KCNK10: variants seen among roughly 807,000 people sequenced by gnomAD.
The protein encoded by KCNK10 is potassium two pore domain channel subfamily K member 10.
KCNK10 carries 25 observed loss-of-function variants against 47.7 expected under a neutral mutation model. The observed-to-expected ratio is 0.52, with a 90% CI of 0.38 to 0.73. KCNK10 has a LOEUF of 0.73. KCNK10 is among the 30% of genes least tolerant of loss of function. KCNK10 has a pLI of 0.00. For synonymous variants in KCNK10, 303 were observed against 285.6 expected, an observed-to-expected ratio of 1.06 and a Z score of -0.61; for missense variants, 563 against 714.5, an observed-to-expected ratio of 0.79 and a Z score of 2.42.
intron 1 of KCNK10, among the ~76,000 whole-genome samples, chr14:88,265,714 C>A (rs1887233707): frequency 6.6e-6 from 1 of 152,168 alleles, no homozygotes; most frequent in Non-Finnish European, 1.5e-5. Context: ...GGGGGAGTGA[C>A]CCCGTGGGAG....
intron 1 of KCNK10, among the ~76,000 whole-genome samples, chr14:88,314,245 T>C (rs1888384598): frequency 6.6e-6 from 1 of 151,870 alleles, no homozygotes; most frequent in Admixed American, 6.6e-5. Context: ...CCTTCATGAT[T>C]AGGATTAGTG....
chr14:88,217,106 G>A (rs1013663977), intron 4 of KCNK10, among the ~76,000 whole-genome samples: 3 of 152,198 alleles, frequency 2.0e-5, no homozygotes, highest in Admixed American at 6.5e-5. Context: ...GCAGTGAGGC[G>A]AGATCATGCT....
intron 1 of KCNK10, among the ~76,000 whole-genome samples, chr14:88,283,110 G>A (rs1887685589): frequency 6.6e-6 from 1 of 152,146 alleles, no homozygotes; most frequent in Non-Finnish European, 1.5e-5. Flanking sequence ...GTCTACTAAA[G>A]AAGAGAGTGA....
chr14:88,286,125 G>A (rs1484498381), intron 1 of KCNK10, among the ~76,000 whole-genome samples: 2 of 152,078 alleles, frequency 1.3e-5, no homozygotes, highest in Admixed American at 1.3e-4. Context: ...CCAAGAGCCA[G>A]AATCAACCAC....
intron 2 of KCNK10, among the ~76,000 whole-genome samples, chr14:88,255,595 G>C (rs1040007736): frequency 6.6e-6 from 1 of 151,870 alleles, no homozygotes; most frequent in African/African-American, 2.4e-5. Context: ...CCCACAGACA[G>C]ACAGTGTCCA....
intron 2 of KCNK10, among the ~76,000 whole-genome samples, chr14:88,242,369 CT>C (rs1380348815): frequency 2.0e-5 from 3 of 152,040 alleles, no homozygotes; most frequent in African/African-American, 7.2e-5. Context: ...GTATATTTTT[CT>C]TTTTTTAAAT....
intron 1 of KCNK10, among the ~76,000 whole-genome samples, chr14:88,308,070 A>G (rs1376932267): frequency 6.6e-6 from 1 of 152,114 alleles, no homozygotes; most frequent in Non-Finnish European, 1.5e-5. Context: ...GGCACACCTG[A>G]GCTCTTGCTC....
At chr14:88,229,691 T>C (rs1010091901) in intron 3 of KCNK10, among the ~76,000 whole-genome samples, 3 of 152,206 alleles carry the variant, frequency 2.0e-5, no homozygotes, top group Middle Eastern at 3.2e-3. Flanking sequence ...CTGTATCTCA[T>C]GCATGGGCGT....
At position 88,186,261 on chromosome 14, in the gene KCNK10, AC is replaced by A; in HGVS notation, c.1012-107del. ...GTCCCCACGGGGAGGCCAGGAGGTG[AC>A]GGAGCACATGCCCAGGGGGAGGTGC... On this transcript the variant is annotated intron_variant, in intron 6 of 6. Transcript: ENST00000319231. This position sits in a 1 kb window ranked among gnomAD's most constrained non-coding sequence, Gnocchi z 5.5. 7.4e-7 allele frequency: 1 copy of A among 1,343,054 alleles called. No individual in the cohort carries two copies. The highest frequency in any genetic ancestry group is 1.0e-6 in the Non-Finnish European group (1 of 1,004,872). 83.2% of individuals were successfully genotyped at this position (1,343,054 alleles called of 1,614,324 possible). A position where few individuals can be genotyped will look rare whatever the true frequency, so the allele number is the denominator to read the frequency against.
In KCNK10 at chr14:88,260,086, G is replaced by A. The variant is rs772398186; in HGVS notation, c.402+3116C>T. Among the ~76,000 whole-genome samples the A allele has an allele frequency of 2.0e-5, 3 of 152,096 alleles. No homozygotes were observed. The highest frequency in any genetic ancestry group is 2.9e-5 in the Non-Finnish European group (2 of 68,026). On this transcript the variant is annotated intron_variant, in intron 2 of 6. Transcript: ENST00000319231. This position sits in a 1 kb window ranked among gnomAD's most constrained non-coding sequence, Gnocchi z 4.5. Reference sequence around the variant, plus strand: ...GCCTCCCTAGTAGCTGGGACCACAGGTGCACACCACCACGCCTGGCTAATT... The same window carrying A: ...GCCTCCCTAGTAGCTGGGACCACAGATGCACACCACCACGCCTGGCTAATT...
At chr14:88,222,567 A>G (rs1216662239) in intron 4 of KCNK10, among the ~76,000 whole-genome samples, 5 of 152,174 alleles carry the variant, frequency 3.3e-5, no homozygotes, top group African/African-American at 4.8e-5. Context: ...TGATGCATCA[A>G]TGTAGGTTCA....
At chr14:88,214,305 A>G (rs1361926889) in intron 4 of KCNK10, among the ~76,000 whole-genome samples, 2 of 152,160 alleles carry the variant, frequency 1.3e-5, no homozygotes, top group Non-Finnish European at 2.9e-5. Flanking sequence ...AAAAAGAAGA[A>G]TGCTTTGGAG....
In KCNK10 at chr14:88,313,420, A is replaced by G. The variant is rs568627885; in HGVS notation, c.52+9327T>C. ...TGAAAAGAACGTGGTGGTGGTAACA[A>G]TATGTGATTTTTGAAGTTAAGTCAT... On this transcript the variant is annotated intron_variant, in intron 1 of 6. Coordinates refer to ENST00000319231, the MANE Select transcript of KCNK10 (RefSeq NM_138317.3). 4.6e-5 allele frequency among the ~76,000 whole-genome samples: 7 copies of G among 152,348 alleles called. No homozygotes were observed. In the South Asian group the frequency reaches 1.2e-3, roughly 27 times the overall value.
At chr14:88,271,055 C>T (rs1887395749) in intron 1 of KCNK10, 1 of 481,160 alleles carries the variant, frequency 2.1e-6, no homozygotes, top group South Asian at 3.8e-5. Flanking sequence ...ACAGGTCTCG[C>T]TTCCCAGATT....
chr14:88,262,362 C>T (rs542645196), intron 2 of KCNK10, among the ~76,000 whole-genome samples: 24 of 152,346 alleles, frequency 1.6e-4, no homozygotes, highest in African/African-American at 5.8e-4. Context: ...GGGCTCTCCA[C>T]CATTTCCCTT....
intron 1 of KCNK10, among the ~76,000 whole-genome samples, chr14:88,269,086 C>T (rs978982930): frequency 6.6e-6 from 1 of 152,058 alleles, no homozygotes; most frequent in African/African-American, 2.4e-5. Context: ...TGCAGTGAGC[C>T]GAGATCGTGC....
intron 1 of KCNK10, among the ~76,000 whole-genome samples, chr14:88,319,793 T>C (rs753800771): frequency 1.3e-4 from 20 of 152,180 alleles, no homozygotes; most frequent in Non-Finnish European, 1.8e-4. Flanking sequence ...AAACACAGAC[T>C]TGAAGAGTGT....
intron 4 of KCNK10, among the ~76,000 whole-genome samples, chr14:88,193,370 CGG>C (rs1323791681): frequency 6.6e-6 from 1 of 151,988 alleles, no homozygotes; most frequent in Non-Finnish European, 1.5e-5. Context: ...CTGGTAGCAT[CGG>C]TCATATTCTC....
chr14:88,230,561 A>G (rs944794950), intron 3 of KCNK10, among the ~76,000 whole-genome samples: 1 of 152,114 alleles, frequency 6.6e-6, no homozygotes, highest in African/African-American at 2.4e-5. Context: ...GTGCAGCCCT[A>G]CTTGTTTAGT....
Sources: allele counts gnomAD v4.1 joint callset (sites outside exome capture counted in the v4.1 genomes callset), GRCh38; gene constraint gnomAD v4.1.1; non-coding constraint Gnocchi (gnomAD v3.1); transcripts MANE v1.5; gene names NCBI Gene and HGNC (gene_info 2026-07-23, HGNC 2026-07-21).